The following KIAA0232 variants were observed in gnomAD, a reference collection of about 807,000 sequenced individuals.
The protein encoded by KIAA0232 is uncharacterized protein KIAA0232.
Under a neutral mutation model 122.0 loss-of-function variants are expected in KIAA0232, and 27 were observed. The observed-to-expected ratio is 0.22, with a 90% CI of 0.16 to 0.31. The LOEUF (loss-of-function observed/expected upper bound fraction) is 0.31, where lower values mean the gene tolerates loss of function less well. Among genes scored for constraint, KIAA0232 ranks in the 10% least tolerant of loss-of-function variants. KIAA0232 has a pLI of 1.00. For synonymous variants in KIAA0232, 613 were observed against 587.6 expected, an observed-to-expected ratio of 1.04 and a Z score of -0.63; for missense variants, 1,551 against 1,634.2, an observed-to-expected ratio of 0.95 and a Z score of 0.88.
Position 6,860,990 on chromosome 4 carries a change from A to G in KIAA0232, c.608A>G (p.Tyr203Cys), listed in dbSNP as rs374623423. The stretch of plus-strand genomic sequence containing the variant: ...TGGAACAAGTCTAAAGTCTGTTCTT[A>G]CTCTAGCTCTTCTTCATCATCCACA... ...TVWNKSKVCS[Y>C]SSSSSSSTAP... Residue 203 changes from tyrosine (Y) to cysteine (C), a missense_variant, in exon 7 of 10, where the codon TAC (tyrosine) becomes TGC (cysteine). Coordinates refer to ENST00000307659, the MANE Select transcript of KIAA0232 (RefSeq NM_014743.3). 2.5e-6 allele frequency: 4 copies of G among 1,613,988 alleles called. No individual in the cohort carries two copies. Among genetic ancestry groups the G allele is most frequent in the Non-Finnish European group, 3.4e-6 (4 of 1,180,034 alleles).
rs1274832900 is a variant in KIAA0232, at chr4:6,881,463, C to T, written c.*497C>T. 1.3e-5 allele frequency: 2 copies of T among 152,668 alleles called. No homozygotes were observed. Among genetic ancestry groups the T allele is most frequent in the Non-Finnish European group, 2.9e-5 (2 of 68,098 alleles). 9.5% of individuals were successfully genotyped at this position (152,668 alleles called of 1,614,324 possible). On this transcript the variant is annotated 3_prime_UTR_variant, in exon 10 of 10. Transcript: ENST00000307659. ...AGGCGAGAGGGAAGCCTGGGTGACT[C>T]AGCGGTGGTCTCCATTCAGCAAAAT...
At chr4:6,820,266 A>G (rs73080510) in intron 2 of KIAA0232, among the ~76,000 whole-genome samples, 3,329 of 152,266 alleles carry the variant, frequency 0.022, 129 homozygotes, top group African/African-American at 0.076. Context: ...AGTTAAAAAG[A>G]AAAAAGAAGA....
rs753945227 is a variant in KIAA0232, at chr4:6,861,957, A to T, written c.1575A>T (p.Glu525Asp). ...DQSMLDPGAS[E>D]TMQGESRILN... is the part of the protein sequence containing the mutation. The stretch of plus-strand genomic sequence containing the variant: ...CCATGTTGGATCCTGGTGCCTCAGA[A>T]ACAATGCAAGGAGAAAGTCGGATTT... The change falls in exon 7 of 10, where the codon GAA becomes GAT. Residue 525 changes from glutamate to aspartate, a missense_variant. Glu to Asp is a conservative substitution (Grantham distance 45). Around this residue, in one of 5 missense-constraint regions of KIAA0232, gnomAD observed 1,108 missense variants for 1,154.8 expected, o/e 0.96. Coordinates refer to ENST00000307659, the MANE Select transcript of KIAA0232 (RefSeq NM_014743.3). 4 of 1,614,126 alleles carry T rather than the reference A, an allele frequency of 2.5e-6. No individual in the cohort carries two copies. The African/African-American group carries it at 4.0e-5, about 16-fold the overall frequency.
chr4:6,825,029 C>A (rs74717906), intron 3 of KIAA0232, among the ~76,000 whole-genome samples: 1 of 152,198 alleles, frequency 6.6e-6, no homozygotes, highest in Non-Finnish European at 1.5e-5. Flanking sequence ...AGAAAACTCA[C>A]ACATTATGAA....
chr4:6,815,037 G>A (rs1718054572), intron 2 of KIAA0232, among the ~76,000 whole-genome samples: 1 of 145,854 alleles, frequency 6.9e-6, no homozygotes, highest in African/African-American at 2.4e-5. Context: ...GAAGAGGGAA[G>A]GGAACGTTAA....
At chr4:6,867,922 C>T (rs1721271623) in intron 7 of KIAA0232, among the ~76,000 whole-genome samples, 1 of 152,222 alleles carries the variant, frequency 6.6e-6, no homozygotes, top group Non-Finnish European at 1.5e-5. Flanking sequence ...AAGACTTAGA[C>T]CAGCAGTTCT....
At chr4:6,878,379 T>TCATATATACATACATA (rs57525303) in intron 9 of KIAA0232, among the ~76,000 whole-genome samples, 6,378 of 149,294 alleles carry the variant, frequency 0.043, 180 homozygotes, top group African/African-American at 0.071. Flanking sequence ...CATCATTCAT[T>TCATATATACATACATA]CATACATACA....
At chr4:6,790,757 A>G (rs1259872592) in intron 1 of KIAA0232, among the ~76,000 whole-genome samples, 3 of 151,910 alleles carry the variant, frequency 2.0e-5, no homozygotes, top group Non-Finnish European at 1.5e-5. Context: ...AATGGAGAGA[A>G]AGTTGAAATA....
intron 9 of KIAA0232, 74 bp from the exon 10 acceptor site, chr4:6,880,713 A>G (rs1722025653): frequency 2.0e-5 from 20 of 990,690 alleles, no homozygotes; most frequent in Middle Eastern, 4.5e-4. Flanking sequence ...TCTTCTTTGT[A>G]TATAGATAGA....
At position 6,864,000 on chromosome 4, in the gene KIAA0232, G is replaced by A. The variant is rs776651797; in HGVS notation, c.3618G>A (p.Lys1206=). ...EESTGILSVG[K]QNQCLECSMN... is the part of the protein sequence containing the mutation. The stretch of plus-strand genomic sequence containing the variant: ...CAACTGGGATTCTTTCAGTAGGAAA[G>A]CAAAATCAGTGTTTGGAATGTAGCA... Residue 1206 remains lysine (K), a synonymous_variant, in exon 7 of 10, where the codon AAG becomes AAA. Transcript: ENST00000307659. The A allele has an allele frequency of 1.2e-5, 20 of 1,614,032 alleles. No homozygotes were observed. In the Middle Eastern group the frequency reaches 1.2e-3, roughly 93 times the overall value.
At chr4:6,840,183 G>A (rs1719568018) in intron 3 of KIAA0232, among the ~76,000 whole-genome samples, 1 of 152,126 alleles carries the variant, frequency 6.6e-6, no homozygotes, top group Non-Finnish European at 1.5e-5. Context: ...TGGTTTTGCA[G>A]CCAGCTCCTT....
At chr4:6,854,112 T>C (rs951043007) in intron 4 of KIAA0232, among the ~76,000 whole-genome samples, 1 of 152,082 alleles carries the variant, frequency 6.6e-6, no homozygotes, top group African/African-American at 2.4e-5. Flanking sequence ...ATAGCAAAAA[T>C]TAAAGACATT....
At chr4:6,834,097 A>C (rs551078975) in intron 3 of KIAA0232, among the ~76,000 whole-genome samples, 98 of 152,054 alleles carry the variant, frequency 6.4e-4, no homozygotes, top group African/African-American at 1.8e-3. Context: ...TTTTCTTATT[A>C]TTATTATTAT....
At chr4:6,876,530 C>T (rs892182015) in intron 8 of KIAA0232, 130 bp from the exon 9 acceptor site, 27 of 640,830 alleles carry the variant, frequency 4.2e-5, no homozygotes, top group South Asian at 2.1e-4. Flanking sequence ...TTAAAACCTC[C>T]GAAGGGTTGG....
Position 6,824,174 on chromosome 4 carries a change from C to G in KIAA0232, c.-269-11C>G, listed in dbSNP as rs529248747. 2 of 498,196 alleles carry G rather than the reference C, an allele frequency of 4.0e-6. No homozygotes were observed. The highest frequency in any genetic ancestry group is 7.1e-6 in the Non-Finnish European group (2 of 282,280). The allele number at this position is 498,196 out of a possible 1,614,324, so 30.9% of individuals were successfully genotyped here. A position where few individuals can be genotyped will look rare whatever the true frequency, so the allele number is the denominator to read the frequency against. On this transcript the variant is annotated splice_polypyrimidine_tract_variant and intron_variant, in intron 2 of 9. Coordinates refer to ENST00000307659, the MANE Select transcript of KIAA0232 (RefSeq NM_014743.3). ...ATAATGCATACTTTTTTTCCTCTCT[C>G]ATTTTTGTAGGTTCTGCCGGAGACT...
intron 4 of KIAA0232, among the ~76,000 whole-genome samples, chr4:6,848,099 T>A (rs965358762): frequency 6.6e-6 from 1 of 152,160 alleles, no homozygotes; most frequent in Non-Finnish European, 1.5e-5. Context: ...ACCAGTCCTA[T>A]TGTTATTTAA....
chr4:6,852,333 T>C (rs11723013), intron 4 of KIAA0232, among the ~76,000 whole-genome samples: 42,792 of 152,134 alleles, frequency 0.28, 7,728 homozygotes, highest in Non-Finnish European at 0.4. Context: ...CTGGCACATA[T>C]TCTCAGTCTT....
chr4:6,849,520 A>G (rs1720156355), intron 4 of KIAA0232, among the ~76,000 whole-genome samples: 1 of 152,134 alleles, frequency 6.6e-6, no homozygotes, highest in Non-Finnish European at 1.5e-5. Flanking sequence ...GGAGGCTGAG[A>G]CAGGAGAATC....
intron 4 of KIAA0232, among the ~76,000 whole-genome samples, chr4:6,848,332 T>G (rs1720084774): frequency 1.3e-5 from 2 of 152,246 alleles, no homozygotes; most frequent in Non-Finnish European, 2.9e-5. Flanking sequence ...AAGGTTAATT[T>G]TGACCATATA....
Sources: allele counts gnomAD v4.1 joint callset (sites outside exome capture counted in the v4.1 genomes callset), GRCh38; gene constraint gnomAD v4.1.1; regional missense constraint gnomAD v4.1.1; transcripts MANE v1.5; gene names NCBI Gene and HGNC (gene_info 2026-07-23, HGNC 2026-07-21).